MAP2K6: variants seen among roughly 807,000 people sequenced by gnomAD.
MAP2K6 encodes mitogen-activated protein kinase kinase 6, also known as dual specificity mitogen-activated protein kinase kinase 6.
A neutral mutation model predicts 53.7 loss-of-function variants in MAP2K6; 16 were observed. The ratio of observed to expected loss-of-function variants is 0.30; its 90% CI spans 0.20 to 0.45. MAP2K6 has a LOEUF of 0.45. Ranked by LOEUF, MAP2K6 falls within the 20% of genes least tolerant of loss-of-function variation. The probability of loss-of-function intolerance (pLI) is 1.00; values close to 1 mark genes in which losing one functional copy is unlikely to be tolerated. For synonymous variants in MAP2K6, 132 were observed against 143.1 expected, an observed-to-expected ratio of 0.92 and a Z score of 0.55; for missense variants, 204 against 411.9, an observed-to-expected ratio of 0.50 and a Z score of 4.37.
At chr17:69,418,452 T>C (rs1344375410) in intron 1 of MAP2K6, among the ~76,000 whole-genome samples, 3 of 152,240 alleles carry the variant, frequency 2.0e-5, no homozygotes, top group East Asian at 1.9e-4. Flanking sequence ...TTGTTCATTA[T>C]AGAAACATTT....
At chr17:69,479,647 A>G (rs1373726463) in intron 1 of MAP2K6, among the ~76,000 whole-genome samples, 1 of 151,878 alleles carries the variant, frequency 6.6e-6, no homozygotes, top group African/African-American at 2.4e-5. Flanking sequence ...TTGGAGGCTT[A>G]TGTCACTGAT....
chr17:69,463,880 A>T (rs777200426), intron 1 of MAP2K6, among the ~76,000 whole-genome samples: 3 of 150,508 alleles, frequency 2.0e-5, no homozygotes, highest in Non-Finnish European at 4.4e-5. Flanking sequence ...TTAGCCAGGG[A>T]TGGTGGCGTG....
chr17:69,440,894 T>A (rs1399071758), intron 1 of MAP2K6, among the ~76,000 whole-genome samples: 3 of 152,238 alleles, frequency 2.0e-5, no homozygotes. Context: ...AGTTTTCTGG[T>A]TACTATGATA....
chr17:69,427,133 G>A (rs817555), intron 1 of MAP2K6, among the ~76,000 whole-genome samples: 59,641 of 152,038 alleles, frequency 0.39, 12,289 homozygotes, highest in Middle Eastern at 0.46. Flanking sequence ...GGCCACGGCT[G>A]TAATTTTCAT....
At chr17:69,487,030 T>A (rs61471365) in intron 1 of MAP2K6, among the ~76,000 whole-genome samples, 3,092 of 152,280 alleles carry the variant, frequency 0.02, 108 homozygotes, top group African/African-American at 0.067. Context: ...TAGACCTGGG[T>A]CGTGTCAAAA....
chr17:69,466,155 G>A (rs1312849624), intron 1 of MAP2K6, among the ~76,000 whole-genome samples: 1 of 149,180 alleles, frequency 6.7e-6, no homozygotes, highest in Non-Finnish European at 1.5e-5. Flanking sequence ...GCATGGTGGC[G>A]CACAGCTGTA....
intron 10 of MAP2K6, among the ~76,000 whole-genome samples, chr17:69,534,140 A>G (rs1038875912): frequency 1.4e-4 from 22 of 152,180 alleles, no homozygotes; most frequent in African/African-American, 5.3e-4. Context: ...CAGATGTAAC[A>G]ACCAAAAATG....
chr17:69,504,228 G>A (rs557186328), intron 1 of MAP2K6, among the ~76,000 whole-genome samples: 1 of 152,024 alleles, frequency 6.6e-6, no homozygotes, highest in East Asian at 1.9e-4. Flanking sequence ...ATCTCTGAGT[G>A]CTCATCTGCA....
At chr17:69,438,554 T>C (rs577853131) in intron 1 of MAP2K6, among the ~76,000 whole-genome samples, 1 of 152,276 alleles carries the variant, frequency 6.6e-6, no homozygotes, top group Non-Finnish European at 1.5e-5. Context: ...CTGCATTTTT[T>C]TGTACATCCT....
chr17:69,495,045 A>C (rs375289271), intron 1 of MAP2K6, among the ~76,000 whole-genome samples: 37 of 150,010 alleles, frequency 2.5e-4, no homozygotes, highest in African/African-American at 8.3e-4. Flanking sequence ...CAAAACAAAA[A>C]CCCAAAATTG....
At chr17:69,485,382 C>A (rs1396430647) in intron 1 of MAP2K6, 6 of 568,912 alleles carry the variant, frequency 1.1e-5, no homozygotes, top group East Asian at 1.4e-4. Flanking sequence ...TTAGATCATG[C>A]CTGCAATTCA....
chr17:69,430,992 C>G (rs1906445189), intron 1 of MAP2K6, among the ~76,000 whole-genome samples: 1 of 152,174 alleles, frequency 6.6e-6, no homozygotes, highest in African/African-American at 2.4e-5. Context: ...AATTTTCGTA[C>G]CCTTTGATCC....
In MAP2K6 at chr17:69,420,262, G is replaced by T. The variant is rs72847072; in HGVS notation, c.16+5262G>T. On this transcript the variant is annotated intron_variant, in intron 1 of 11. Transcript: ENST00000590474. The stretch of plus-strand genomic sequence containing the variant: ...TTCAGGCAAAATTAGTTTTTCTTTA[G>T]GTTTATAAATAATTCTTACATAGCA... Among the ~76,000 whole-genome samples the T allele has an allele frequency of 2.0e-3, 311 of 152,198 alleles. 1 individual carries two copies. The highest frequency in any genetic ancestry group is 3.3e-3 in the Non-Finnish European group (226 of 68,008).
At chr17:69,456,081 G>A (rs1329279579) in intron 1 of MAP2K6, among the ~76,000 whole-genome samples, 1 of 152,014 alleles carries the variant, frequency 6.6e-6, no homozygotes, top group African/African-American at 2.4e-5. Flanking sequence ...GGCTGGTCTC[G>A]AACTCCTGAC....
intron 1 of MAP2K6, among the ~76,000 whole-genome samples, chr17:69,500,284 A>G (rs1182467394): frequency 6.6e-6 from 1 of 151,604 alleles, no homozygotes; most frequent in African/African-American, 2.4e-5. Context: ...TACTAAAAAT[A>G]CAAAAATTAG....
At chr17:69,441,761 A>T (rs1906825491) in intron 1 of MAP2K6, among the ~76,000 whole-genome samples, 1 of 152,130 alleles carries the variant, frequency 6.6e-6, no homozygotes, top group Non-Finnish European at 1.5e-5. Flanking sequence ...CTCCTCTGAC[A>T]CTAACCTGGT....
intron 1 of MAP2K6, among the ~76,000 whole-genome samples, chr17:69,449,155 G>A (rs1325226428): frequency 6.6e-6 from 1 of 152,232 alleles, no homozygotes; most frequent in African/African-American, 2.4e-5. Context: ...TACTAGCTGT[G>A]TAGTCTTAGG....
intron 1 of MAP2K6, among the ~76,000 whole-genome samples, chr17:69,462,256 A>G (rs1325143809): frequency 2.0e-5 from 3 of 152,090 alleles, no homozygotes; most frequent in Admixed American, 1.3e-4. Context: ...TCCTCTATCC[A>G]GGGGATGGAC....
At chr17:69,442,448 T>G (rs1409130603) in intron 1 of MAP2K6, among the ~76,000 whole-genome samples, 1 of 152,224 alleles carries the variant, frequency 6.6e-6, no homozygotes, top group East Asian at 1.9e-4. Context: ...ACTTGATAAC[T>G]ATCACAAAAA....
Sources: gnomAD v4.1 joint callset for allele counts (sites outside exome capture counted in the v4.1 genomes callset) on GRCh38, gnomAD v4.1.1 for gene constraint, MANE v1.5 for transcripts, NCBI Gene and HGNC (gene_info 2026-07-23, HGNC 2026-07-21) for gene names.